Variants in ALOX12 observed in about 807,000 individuals in gnomAD.
ALOX12 encodes polyunsaturated fatty acid lipoxygenase ALOX12.
ALOX12 carries 62 observed loss-of-function variants against 85.5 expected under a neutral mutation model. That is an observed-to-expected ratio of 0.73 (90% CI 0.59 to 0.90). The LOEUF is 0.90. ALOX12 is among the 40% of genes least tolerant of loss of function. The pLI is 0.00. For synonymous variants in ALOX12, 299 were observed against 332.7 expected (o/e 0.90, Z 1.10); for missense variants, 751 against 856.5 (o/e 0.88, Z 1.54).
chr17:6,997,084 A>C, intron 2 of ALOX12, 57 bp downstream of exon 2: 1 of 1,490,002 alleles, frequency 6.7e-7, no homozygotes, highest in East Asian at 2.5e-5. Flanking sequence ...CTGCGGGGCT[A>C]GGAGGGCAGA....
chr17:7,002,605 C>A (rs1450135394), intron 8 of ALOX12: 1 of 436,766 alleles, frequency 2.3e-6, no homozygotes, highest in Non-Finnish European at 4.6e-6. Flanking sequence ...CTGGGCAACA[C>A]AGCAAGTCCC....
In ALOX12 at chr17:6,996,350, G is replaced by A. The variant is rs894198398; in HGVS notation, c.135+98G>A. 3.1e-5 allele frequency: 37 copies of A among 1,193,392 alleles called. No individual in the cohort carries two copies. The African/African-American group carries it at 5.2e-4, about 17-fold the overall frequency. The allele number at this position is 1,193,392 out of a possible 1,614,324, so 73.9% of individuals were successfully genotyped here. A position where few individuals can be genotyped will look rare whatever the true frequency, so the allele number is the denominator to read the frequency against. On this transcript the variant is annotated intron_variant, in intron 1 of 13. Transcript: ENST00000251535. Reference sequence around the variant, plus strand: ...GGCGGGAGGGCGGGAGGCTGGGGGCGAGGTGACAGCGCGACCTCGCGGACT... The same window carrying A: ...GGCGGGAGGGCGGGAGGCTGGGGGCAAGGTGACAGCGCGACCTCGCGGACT...
At chr17:6,999,154 T>C in intron 5 of ALOX12, 98 bp downstream of exon 5, 1 of 1,478,838 alleles carries the variant, frequency 6.8e-7, no homozygotes, top group East Asian at 2.3e-5. Flanking sequence ...AGAAGAGACC[T>C]TATCATATCT....
At chr17:6,997,133 C>T in intron 2 of ALOX12, 106 bp downstream of exon 2, 1 of 1,432,000 alleles carries the variant, frequency 7.0e-7, no homozygotes, top group South Asian at 1.5e-5. Context: ...GATGTATGGG[C>T]CCAGGGCAGG....
chr17:6,996,925 G>C lies in ALOX12; in HGVS notation c.235G>C (p.Asp79His). ...HWLVDDAWFC[D>H]RITVQGPGAC... ...GCTGGTGGACGACGCGTGGTTCTGCGACCGCATCACGGTGCAGGGCCCTGG... is the reference window on the plus strand; with the variant it reads ...GCTGGTGGACGACGCGTGGTTCTGCCACCGCATCACGGTGCAGGGCCCTGG... The change falls in exon 2 of 14, where the codon GAC becomes CAC. Residue 79 changes from aspartate to histidine, a missense_variant. Physicochemically the swap from Asp to His is moderately conservative, Grantham distance 81. Coordinates refer to ENST00000251535, the MANE Select transcript of ALOX12 (RefSeq NM_000697.3). 1 of 1,611,216 alleles carries C rather than the reference G, an allele frequency of 6.2e-7. No individual in the cohort carries two copies. Among genetic ancestry groups the C allele is most frequent in the Non-Finnish European group, 8.5e-7 (1 of 1,178,824 alleles).
At chr17:7,009,301 C>T (rs11571350) in intron 11 of ALOX12, among the ~76,000 whole-genome samples, 98 of 152,206 alleles carry the variant, frequency 6.4e-4, no homozygotes, top group African/African-American at 2.3e-3. Context: ...CCTCGTGATC[C>T]GCCCATCTTG....
At position 6,996,194 on chromosome 17, in the gene ALOX12, T is replaced by G; in HGVS notation, c.77T>G (p.Leu26Arg). The stretch of plus-strand genomic sequence containing the variant: ...TCGTACAACCGCGTGCAGCTTTGGC[T>G]GGTCGGGACGCGCGGGGAGGCGGAG... ...SGSYNRVQLW[L>R]VGTRGEAELE... Residue 26 changes from leucine (L) to arginine (R), a missense_variant, in exon 1 of 14, where the codon CTG becomes CGG. Coordinates refer to ENST00000251535, the MANE Select transcript of ALOX12 (RefSeq NM_000697.3). The G allele has an allele frequency of 8.0e-7, 1 of 1,252,466 alleles. No homozygotes were observed. Among genetic ancestry groups the G allele is most frequent in the South Asian group, 3.9e-5 (1 of 25,698 alleles). 77.6% of individuals were successfully genotyped at this position (1,252,466 alleles called of 1,614,324 possible).
intron 11 of ALOX12, among the ~76,000 whole-genome samples, chr17:7,009,307 T>C (rs1198357757): frequency 6.7e-6 from 1 of 148,432 alleles, no homozygotes; most frequent in Admixed American, 6.7e-5. Flanking sequence ...GATCCGCCCA[T>C]CTTGGCCTCC....
chr17:6,996,280 G>A (rs1908431492), intron 1 of ALOX12, 28 bp downstream of exon 1: 1 of 1,226,546 alleles, frequency 8.2e-7, no homozygotes, highest in Non-Finnish European at 1.0e-6. Context: ...GGGGAGCTAG[G>A]GCAGCGGGGA....
chr17:7,005,474 C>CTTTTTTTTTTTTTTTT (rs35201122), intron 9 of ALOX12, 131 bp downstream of exon 9: 1 of 199,048 alleles, frequency 5.0e-6, no homozygotes, highest in African/African-American at 4.5e-5. Flanking sequence ...ATACCCATGT[C>CTTTTTTTTTTTTTTTT]TTTTTTTTTT....
chr17:7,008,576 T>C (rs986754975), intron 11 of ALOX12, among the ~76,000 whole-genome samples: 1 of 152,112 alleles, frequency 6.6e-6, no homozygotes, highest in Non-Finnish European at 1.5e-5. Context: ...TGAAACTCCA[T>C]CTCTACTAAA....
chr17:7,001,976 T>G, intron 8 of ALOX12, 165 bp downstream of exon 8: 1 of 636,718 alleles, frequency 1.6e-6, no homozygotes, highest in Non-Finnish European at 2.7e-6. Flanking sequence ...TTTATTAAGT[T>G]TAGTCACTTA....
chr17:7,000,647 A>G lies in ALOX12; in HGVS notation c.951+168A>G, dbSNP rs897895175. Among the ~76,000 whole-genome samples the G allele has an allele frequency of 6.6e-6, 1 of 152,152 alleles. No individual in the cohort carries two copies. The highest frequency in any genetic ancestry group is 2.1e-4 in the South Asian group (1 of 4,830). On this transcript the variant is annotated intron_variant, in intron 7 of 13. Coordinates refer to ENST00000251535, the MANE Select transcript of ALOX12 (RefSeq NM_000697.3). The surrounding 1 kb of genome is among the most constrained non-coding windows in gnomAD (Gnocchi z 4.6). ...CTCGTCTCCCCTGCCTCATCCAACT[A>G]GAATTACTTTTTCAAGAGTCAAAAT...
chr17:7,003,264 G>GACA (rs1416911112), intron 8 of ALOX12, among the ~76,000 whole-genome samples: 1 of 152,194 alleles, frequency 6.6e-6, no homozygotes, highest in Admixed American at 6.5e-5. Flanking sequence ...TGTCTTAACA[G>GACA]TGGCCTATGC....
rs976870884 is a variant in ALOX12 at position 7,000,921 on chromosome 17, G to A, written c.951+442G>A. Reference sequence around the variant, plus strand: ...CAGTGGCCTCTGGCTCTGAACCCTCGCCATCTCTTGAATATCTTTTCTCGC... The same window carrying A: ...CAGTGGCCTCTGGCTCTGAACCCTCACCATCTCTTGAATATCTTTTCTCGC... On this transcript the variant is annotated intron_variant, in intron 7 of 13. Coordinates refer to ENST00000251535, the MANE Select transcript of ALOX12 (RefSeq NM_000697.3). The surrounding 1 kb of genome is among the most constrained non-coding windows in gnomAD (Gnocchi z 4.6). Among the ~76,000 whole-genome samples, 1 of 150,650 alleles carries A rather than the reference G, an allele frequency of 6.6e-6. No homozygotes were observed. Among genetic ancestry groups the A allele is most frequent in the Non-Finnish European group, 1.5e-5 (1 of 67,872 alleles).
chr17:7,004,306 TA>T (rs1440204629), intron 8 of ALOX12, among the ~76,000 whole-genome samples: 1 of 7,196 alleles, frequency 1.4e-4, no homozygotes, highest in African/African-American at 2.1e-4. Flanking sequence ...TAAATTTTAA[TA>T]TTTTTAATTT....
rs1238007845 is a variant in ALOX12 at position 6,998,745 on chromosome 17, G to A, written c.450G>A (p.Leu150=). The stretch of plus-strand genomic sequence containing the variant: ...CCACCTGGAAGGAAGGGTTACCCCT[G>A]ACCATCGCTGCAGACCGTAAGGATG... ...CWATWKEGLP[L]TIAADRKDDL... is the part of the protein sequence containing the mutation. The change falls in exon 4 of 14, where the codon CTG becomes CTA. Residue 150 remains leucine, a synonymous_variant. Coordinates refer to ENST00000251535, the MANE Select transcript of ALOX12 (RefSeq NM_000697.3). 6.2e-7 allele frequency: 1 copy of A among 1,613,918 alleles called. No individual in the cohort carries two copies. Among genetic ancestry groups the A allele is most frequent in the Non-Finnish European group, 8.5e-7 (1 of 1,180,006 alleles).
chr17:7,010,159 A>G (rs776153924), intron 13 of ALOX12, 33 bp downstream of exon 13: 2 of 1,600,228 alleles, frequency 1.2e-6, no homozygotes, highest in South Asian at 1.1e-5. Context: ...GGGAAATGAC[A>G]GTTGGAAAGG....
At position 6,998,817 on chromosome 17, in the gene ALOX12, T is replaced by C. The variant is rs770014232; in HGVS notation, c.522T>C (p.Phe174=). Residue 174 remains phenylalanine, a synonymous_variant, in exon 4 of 14, where the codon TTT becomes TTC. Coordinates refer to ENST00000251535, the MANE Select transcript of ALOX12 (RefSeq NM_000697.3). ...MRFHEEKRLD[F]EWTLKAGALE... is the part of the protein sequence containing the mutation. ...TCCATGAGGAGAAGAGGCTGGACTT[T>C]GAATGGACACTGAAGGCAGGGTGAG... 4 of 1,614,150 alleles carry C rather than the reference T, an allele frequency of 2.5e-6. No homozygotes were observed. The highest frequency in any genetic ancestry group is 3.4e-6 in the Non-Finnish European group (4 of 1,180,024).
Sources: allele counts gnomAD v4.1 joint callset (sites outside exome capture counted in the v4.1 genomes callset), GRCh38; gene constraint gnomAD v4.1.1; non-coding constraint Gnocchi (gnomAD v3.1); transcripts MANE v1.5; gene names NCBI Gene and HGNC (gene_info 2026-07-23, HGNC 2026-07-21).